DGKB: variants seen among roughly 807,000 people sequenced by gnomAD.
DGKB encodes the protein 90 kDa diacylglycerol kinase.
A neutral mutation model predicts 114.3 loss-of-function variants in DGKB; 67 were observed. The ratio of observed to expected loss-of-function variants is 0.59; its 90% CI spans 0.48 to 0.72. The LOEUF is 0.72. DGKB is among the 30% of genes least tolerant of loss of function. The pLI is 0.00. For missense variants in DGKB, 907 were observed against 975.2 expected, an observed-to-expected ratio of 0.93 and a Z score of 0.93; for synonymous variants, 398 against 323.1, an observed-to-expected ratio of 1.23 and a Z score of -2.49.
rs550042312 is a variant in DGKB at position 14,546,434 on chromosome 7, C to A, written c.1770+27778G>T. On this transcript the variant is annotated intron_variant, in intron 20 of 25. Transcript: ENST00000402815. The stretch of plus-strand genomic sequence containing the variant: ...GTAACTCAGGCCATTTCTGAAACAA[C>A]TGAGACTTGAGTACATGCAGGGCTG... 8.5e-5 allele frequency among the ~76,000 whole-genome samples: 13 copies of A among 152,266 alleles called. No homozygotes were observed. The South Asian group carries it at 2.5e-3, about 29-fold the overall frequency.
At chr7:14,923,908 T>G (rs2128248147) in intron 1 of DGKB, among the ~76,000 whole-genome samples, 1 of 143,734 alleles carries the variant, frequency 7.0e-6, no homozygotes, top group East Asian at 2.4e-4. Context: ...GGCAGGAGAA[T>G]CTCTTGAACC....
intron 19 of DGKB, among the ~76,000 whole-genome samples, chr7:14,575,384 A>T (rs573426951): frequency 2.0e-5 from 3 of 152,252 alleles, no homozygotes; most frequent in South Asian, 2.1e-4. Flanking sequence ...GGTCAACATG[A>T]CCTGAAAATA....
At chr7:14,957,592 C>G (rs1237268776) in intron 1 of DGKB, among the ~76,000 whole-genome samples, 1 of 151,950 alleles carries the variant, frequency 6.6e-6, no homozygotes, top group Non-Finnish European at 1.5e-5. Flanking sequence ...CTTGAAACTC[C>G]TTCTTTATAA....
At chr7:14,656,962 A>G (rs1815958884) in intron 13 of DGKB, among the ~76,000 whole-genome samples, 1 of 151,808 alleles carries the variant, frequency 6.6e-6, no homozygotes. Flanking sequence ...ATGTAAAGAC[A>G]GTTTGTCAGA....
intron 23 of DGKB, among the ~76,000 whole-genome samples, chr7:14,206,824 G>A (rs1786904817): frequency 6.6e-6 from 1 of 151,916 alleles, no homozygotes; most frequent in African/African-American, 2.4e-5. Flanking sequence ...TTTATTTATT[G>A]TTGCAACTAT....
At chr7:14,682,692 T>C (rs1563897272) in intron 11 of DGKB, 23 bp from the exon 12 acceptor site, 2 of 1,607,214 alleles carry the variant, frequency 1.2e-6, no homozygotes, top group East Asian at 4.5e-5. Flanking sequence ...GACAACATTG[T>C]GATAAGAGGA....
At chr7:14,856,182 T>C (rs776963865) in intron 1 of DGKB, among the ~76,000 whole-genome samples, 42 of 152,202 alleles carry the variant, frequency 2.8e-4, no homozygotes, top group Non-Finnish European at 1.6e-4. Flanking sequence ...CACTTTCAAC[T>C]TATGAATGTT....
intron 20 of DGKB, among the ~76,000 whole-genome samples, chr7:14,536,245 C>T (rs1217027367): frequency 6.6e-6 from 1 of 152,068 alleles, no homozygotes; most frequent in East Asian, 1.9e-4. Flanking sequence ...AATACCAATC[C>T]TTTTAAAAGT....
chr7:14,498,633 T>A (rs1785656709), intron 20 of DGKB, among the ~76,000 whole-genome samples: 1 of 151,790 alleles, frequency 6.6e-6, no homozygotes. Context: ...GTTGATTTTT[T>A]TGCCTTGAAG....
intron 4 of DGKB, among the ~76,000 whole-genome samples, chr7:14,743,948 C>G (rs193003952): frequency 1.3e-5 from 2 of 152,106 alleles, no homozygotes; most frequent in Non-Finnish European, 1.5e-5. Flanking sequence ...AAAGGGAAAA[C>G]GTACAGGACT....
At chr7:14,543,616 G>A (rs1031607202) in intron 20 of DGKB, among the ~76,000 whole-genome samples, 1 of 152,166 alleles carries the variant, frequency 6.6e-6, no homozygotes, top group African/African-American at 2.4e-5. Flanking sequence ...TCAGTGGAAT[G>A]AGACAATAAT....
At chr7:14,184,407 G>A (rs1783091413) in intron 23 of DGKB, among the ~76,000 whole-genome samples, 1 of 152,224 alleles carries the variant, frequency 6.6e-6, no homozygotes, top group East Asian at 1.9e-4. Context: ...CTCACCTTCT[G>A]CCTGGAAACT....
intron 23 of DGKB, among the ~76,000 whole-genome samples, chr7:14,193,000 A>C (rs1486567005): frequency 4.6e-5 from 7 of 152,106 alleles, no homozygotes; most frequent in Non-Finnish European, 8.8e-5. Flanking sequence ...TGCTGATTTG[A>C]CAGGAGTCTG....
intron 23 of DGKB, among the ~76,000 whole-genome samples, chr7:14,309,166 TTA>T (rs1804961695): frequency 6.6e-6 from 1 of 152,090 alleles, no homozygotes; most frequent in Admixed American, 6.5e-5. Flanking sequence ...CAGTGAGCCA[TTA>T]TTGTGCCACT....
chr7:14,508,408 A>T (rs1464637576), intron 20 of DGKB, among the ~76,000 whole-genome samples: 1 of 152,088 alleles, frequency 6.6e-6, no homozygotes, highest in African/African-American at 2.4e-5. Context: ...TAAATAACCC[A>T]TTTTCTGCTG....
At chr7:14,798,537 T>C (rs991804901) in intron 2 of DGKB, among the ~76,000 whole-genome samples, 3 of 152,212 alleles carry the variant, frequency 2.0e-5, no homozygotes, top group Admixed American at 6.5e-5. Flanking sequence ...CTTTTTTCAG[T>C]TGATTTTTCA....
intron 13 of DGKB, among the ~76,000 whole-genome samples, chr7:14,646,948 T>A (rs1475611591): frequency 6.6e-6 from 1 of 150,736 alleles, no homozygotes; most frequent in Non-Finnish European, 1.5e-5. Flanking sequence ...AATTCAAAAT[T>A]TATGGAAGAA....
intron 25 of DGKB, among the ~76,000 whole-genome samples, chr7:14,169,040 A>G (rs1392813559): frequency 2.6e-5 from 4 of 152,104 alleles, no homozygotes; most frequent in African/African-American, 9.7e-5. Context: ...AAATTAATAA[A>G]CCATAGGTAA....
intron 21 of DGKB, among the ~76,000 whole-genome samples, chr7:14,363,244 T>A (rs1245442282): frequency 6.6e-6 from 1 of 152,120 alleles, no homozygotes; most frequent in Admixed American, 6.6e-5. Context: ...AACAAATAGA[T>A]AAAAGACACA....
Sources: allele counts gnomAD v4.1 joint callset (sites outside exome capture counted in the v4.1 genomes callset), GRCh38; gene constraint gnomAD v4.1.1; transcripts MANE v1.5; gene names NCBI Gene and HGNC (gene_info 2026-07-23, HGNC 2026-07-21).